The following NRG1 variants were observed in gnomAD, a reference collection of about 807,000 sequenced individuals.
NRG1 encodes neuregulin 1.
In NRG1, 18 loss-of-function variants were observed where a neutral mutation model predicts 63.8. The observed-to-expected ratio is 0.28, with a 90% confidence interval of 0.19 to 0.42. The LOEUF is 0.42. Ranked by LOEUF, NRG1 falls within the 10% of genes least tolerant of loss-of-function variation. The pLI, the probability that NRG1 is intolerant of heterozygous loss-of-function variation, is 1.00. For synonymous variants in NRG1, 302 were observed against 301.3 expected, an observed-to-expected ratio of 1.00 and a Z score of -0.02; for missense variants, 762 against 814.7, an observed-to-expected ratio of 0.94 and a Z score of 0.79.
intron 1 of NRG1, among the ~76,000 whole-genome samples, chr8:31,957,831 A>G (rs1282306432): frequency 6.6e-6 from 1 of 152,140 alleles, no homozygotes; most frequent in Non-Finnish European, 1.5e-5. Flanking sequence ...CATTTCTTAT[A>G]TTAAGTTGTA....
At chr8:32,391,073 T>C (rs1003358720) in intron 1 of NRG1, among the ~76,000 whole-genome samples, 2 of 151,964 alleles carry the variant, frequency 1.3e-5, no homozygotes, top group South Asian at 4.1e-4. Context: ...TCAAGCATCT[T>C]GTTAAAATAA....
chr8:31,791,462 C>T (rs1470433023), intron 1 of NRG1, among the ~76,000 whole-genome samples: 1 of 152,162 alleles, frequency 6.6e-6, no homozygotes, highest in Non-Finnish European at 1.5e-5. Flanking sequence ...CAAGAATATT[C>T]TTTAAACATA....
At chr8:32,557,385 G>A (rs1488903736) in intron 1 of NRG1, among the ~76,000 whole-genome samples, 1 of 152,166 alleles carries the variant, frequency 6.6e-6, no homozygotes, top group African/African-American at 2.4e-5. Context: ...TGCCAACAGG[G>A]TGAAATGGAA....
At chr8:32,039,285 C>G (rs1462907) in intron 1 of NRG1, among the ~76,000 whole-genome samples, 12,039 of 152,206 alleles carry the variant, frequency 0.079, 1,566 homozygotes, top group African/African-American at 0.27. Context: ...ATCTTTCCTT[C>G]CTCTTGTCTA....
At chr8:32,475,463 CAA>C (rs55906650) in intron 1 of NRG1, among the ~76,000 whole-genome samples, 2 of 81,686 alleles carry the variant, frequency 2.4e-5, no homozygotes, top group Admixed American at 2.9e-4. Context: ...GACTCTGTCT[CAA>C]AAAAAAAAAA....
At chr8:32,549,399 G>A (rs1441541157) in intron 1 of NRG1, among the ~76,000 whole-genome samples, 1 of 152,182 alleles carries the variant, frequency 6.6e-6, no homozygotes, top group Non-Finnish European at 1.5e-5. Context: ...TCTTGATTCA[G>A]TCCTGTGCTA....
intron 6 of NRG1, among the ~76,000 whole-genome samples, chr8:32,737,567 A>G (rs1825388555): frequency 1.3e-5 from 2 of 149,802 alleles, no homozygotes; most frequent in Admixed American, 6.7e-5. Context: ...TAAAAAAAAA[A>G]TTATCTGGGA....
chr8:32,267,158 G>A (rs1452776635), intron 1 of NRG1, among the ~76,000 whole-genome samples: 1 of 146,066 alleles, frequency 6.8e-6, no homozygotes, highest in Admixed American at 6.8e-5. Context: ...GGAGAAAGAA[G>A]GAAGGAGAAA....
chr8:31,749,761 A>G (rs932732065), intron 1 of NRG1, among the ~76,000 whole-genome samples: 6 of 151,372 alleles, frequency 4.0e-5, no homozygotes, highest in African/African-American at 1.5e-4. Context: ...ATATATCTTC[A>G]TAGATGGTGG....
chr8:32,451,665 G>C (rs1265621616), intron 1 of NRG1, among the ~76,000 whole-genome samples: 1 of 152,188 alleles, frequency 6.6e-6, no homozygotes. Context: ...TTTGCTTCTT[G>C]ATTCTCCATG....
intron 1 of NRG1, among the ~76,000 whole-genome samples, chr8:32,264,043 A>C (rs896150481): frequency 6.6e-6 from 1 of 152,160 alleles, no homozygotes; most frequent in South Asian, 2.1e-4. Context: ...CCTGCCTGCT[A>C]TCTGGGAAGT....
intron 1 of NRG1, among the ~76,000 whole-genome samples, chr8:31,917,786 T>C (rs1247331622): frequency 1.3e-5 from 2 of 152,194 alleles, no homozygotes; most frequent in African/African-American, 2.4e-5. Context: ...AATCTATAAA[T>C]TACCTTGGGC....
intron 6 of NRG1, among the ~76,000 whole-genome samples, chr8:32,734,972 A>G (rs1262353699): frequency 1.3e-5 from 2 of 152,164 alleles, no homozygotes; most frequent in Admixed American, 1.3e-4. Context: ...GCAAGTAACA[A>G]TCATGTTTCA....
intron 1 of NRG1, among the ~76,000 whole-genome samples, chr8:32,574,021 A>T (rs1045152914): frequency 3.3e-5 from 5 of 152,122 alleles, no homozygotes; most frequent in African/African-American, 1.2e-4. Context: ...CATGGTGTGT[A>T]TGTGCCACAT....
chr8:32,423,278 A>G (rs1217671544), intron 1 of NRG1, among the ~76,000 whole-genome samples: 1 of 152,220 alleles, frequency 6.6e-6, no homozygotes, highest in Non-Finnish European at 1.5e-5. Context: ...AGGCCATTTC[A>G]TCTTTATTAC....
chr8:32,740,377 G>A (rs985418609), intron 6 of NRG1, among the ~76,000 whole-genome samples: 1 of 151,806 alleles, frequency 6.6e-6, no homozygotes, highest in Non-Finnish European at 1.5e-5. Flanking sequence ...CATATTTTTA[G>A]TAGAGACAGG....
chr8:32,630,873 A>T (rs1850160098), intron 5 of NRG1, among the ~76,000 whole-genome samples: 1 of 152,198 alleles, frequency 6.6e-6, no homozygotes, highest in Non-Finnish European at 1.5e-5. Context: ...GCACTATCTC[A>T]AAATCTACTT....
chr8:31,787,071 C>T (rs538384995), intron 1 of NRG1, among the ~76,000 whole-genome samples: 1 of 152,238 alleles, frequency 6.6e-6, no homozygotes, highest in South Asian at 2.1e-4. Flanking sequence ...AACTCATTGG[C>T]ATACAAAATA....
chr8:32,184,008 A>G (rs1422970917), intron 1 of NRG1, among the ~76,000 whole-genome samples: 1 of 152,166 alleles, frequency 6.6e-6, no homozygotes. Flanking sequence ...ATAGTTTAGA[A>G]TGTGATAGAA....
Sources: allele counts gnomAD v4.1 joint callset (sites outside exome capture counted in the v4.1 genomes callset), GRCh38; gene constraint gnomAD v4.1.1; transcripts MANE v1.5; gene names NCBI Gene and HGNC (gene_info 2026-07-23, HGNC 2026-07-21).